GPHN: variants seen among roughly 807,000 people sequenced by gnomAD.
GPHN encodes the protein gephyrin.
GPHN carries 17 observed loss-of-function variants against 95.5 expected under a neutral mutation model. That is an observed-to-expected ratio of 0.18 (90% CI 0.12 to 0.27). The LOEUF is 0.27. GPHN is among the 10% of genes least tolerant of loss of function. The pLI is 1.00. For synonymous variants in GPHN, 320 were observed against 322.5 expected (o/e 0.99, Z 0.08); for missense variants, 660 against 978.1 (o/e 0.67, Z 4.34).
the GPHN span, among the ~76,000 whole-genome samples, chr14:67,457,513 A>G: frequency 6.6e-6 from 1 of 152,116 alleles, no homozygotes; most frequent in Non-Finnish European, 1.5e-5. Flanking sequence ...GCTGAGGCAG[A>G]AGGATCATTT....
intron 3 of GPHN, among the ~76,000 whole-genome samples, chr14:66,822,208 C>T (rs1294100448): frequency 6.6e-6 from 1 of 152,202 alleles, no homozygotes; most frequent in Non-Finnish European, 1.5e-5. Flanking sequence ...CCTCGGCCTC[C>T]CAAAGTGCTG....
At chr14:66,550,760 A>G (rs553617124) in intron 1 of GPHN, among the ~76,000 whole-genome samples, 1 of 152,312 alleles carries the variant, frequency 6.6e-6, no homozygotes, top group Admixed American at 6.5e-5. Flanking sequence ...CAGCAGCTAT[A>G]TACATTGAGG....
At chr14:66,978,680 ACTT>A (rs1224577295) in intron 9 of GPHN, among the ~76,000 whole-genome samples, 1 of 152,128 alleles carries the variant, frequency 6.6e-6, no homozygotes, top group East Asian at 1.9e-4. Flanking sequence ...GTTGGAATCA[ACTT>A]CTTCCAACTC....
intron 1 of GPHN, among the ~76,000 whole-genome samples, chr14:66,594,315 A>C (rs897843242): frequency 3.3e-5 from 5 of 150,580 alleles, no homozygotes; most frequent in Non-Finnish European, 1.5e-5. Flanking sequence ...GAAAAAAAAA[A>C]TCCTAAAATT....
the GPHN span, among the ~76,000 whole-genome samples, chr14:67,350,414 C>T: frequency 3.3e-5 from 5 of 152,104 alleles, no homozygotes; most frequent in South Asian, 2.1e-4. Flanking sequence ...AAGTATCCTG[C>T]GCCTGCAACT....
the GPHN span, among the ~76,000 whole-genome samples, chr14:67,259,069 G>A: frequency 0.082 from 11,989 of 146,312 alleles, 1,116 homozygotes; most frequent in African/African-American, 0.23. Context: ...TCTCGAACTC[G>A]TGGCCTCAAG....
At chr14:67,716,444 T>A in the GPHN span, among the ~76,000 whole-genome samples, 1 of 152,260 alleles carries the variant, frequency 6.6e-6, no homozygotes, top group Admixed American at 6.5e-5. Flanking sequence ...AATATGGCAA[T>A]TTATAAAAAA....
chr14:66,863,121 C>A (rs867618899), intron 4 of GPHN, among the ~76,000 whole-genome samples: 1 of 151,104 alleles, frequency 6.6e-6, no homozygotes, highest in African/African-American at 2.4e-5. Context: ...GAAGCAAATT[C>A]AGTAAAGTGG....
chr14:67,099,110 CTT>C (rs1200580490), intron 12 of GPHN, among the ~76,000 whole-genome samples: 22 of 138,884 alleles, frequency 1.6e-4, no homozygotes, highest in Admixed American at 1.4e-4. Context: ...GTTGTAAAAA[CTT>C]TTTTTTTTTT....
intron 11 of GPHN, among the ~76,000 whole-genome samples, chr14:67,067,676 C>A (rs1053377616): frequency 1.3e-5 from 2 of 152,158 alleles, no homozygotes; most frequent in Non-Finnish European, 2.9e-5. Context: ...GCCCCTCCCC[C>A]CGCCAGGCTG....
chr14:67,678,196 G>C, the GPHN span: 1 of 649,952 alleles, frequency 1.5e-6, no homozygotes, highest in Non-Finnish European at 2.8e-6. Context: ...CACCAAGCAG[G>C]CAAGGCTGGA....
chr14:66,674,239 C>T (rs2066462479), intron 1 of GPHN, among the ~76,000 whole-genome samples: 1 of 151,932 alleles, frequency 6.6e-6, no homozygotes, highest in South Asian at 2.1e-4. Flanking sequence ...GCTGGGACTA[C>T]AGACGCCCAC....
chr14:67,359,878 C>A, the GPHN span: 7 of 676,616 alleles, frequency 1.0e-5, no homozygotes, highest in Admixed American at 1.6e-4. Flanking sequence ...TTGTCACAGG[C>A]GACGAAGGGG....
chr14:66,697,910 G>T (rs1467727780), intron 2 of GPHN, among the ~76,000 whole-genome samples: 3 of 151,760 alleles, frequency 2.0e-5, no homozygotes, highest in Admixed American at 2.0e-4. Context: ...GCCCAGGCTG[G>T]TCTCAAACTC....
chr14:67,159,316 CT>C (rs1671473098), intron 18 of GPHN, 98 bp from the exon 19 acceptor site: 1 of 800,468 alleles, frequency 1.2e-6, no homozygotes, highest in East Asian at 2.5e-5. Flanking sequence ...AAAGATGTTT[CT>C]TTTCATTTCA....
chr14:67,391,724 C>G, the GPHN span, among the ~76,000 whole-genome samples: 2 of 152,166 alleles, frequency 1.3e-5, no homozygotes, highest in African/African-American at 4.8e-5. Flanking sequence ...CACAGAATAC[C>G]CTTTTTGTTA....
Position 67,165,668 on chromosome 14 carries a change from C to T in GPHN, c.1975+442C>T, listed in dbSNP as rs553774901. The stretch of plus-strand genomic sequence containing the variant: ...AAATACCAAATCAAAAAATACAAAG[C>T]TGCCTCTGGTCCTTGCCAGATTTGG... On this transcript the variant is annotated intron_variant, in intron 20 of 22. Transcript: ENST00000478722. Among the ~76,000 whole-genome samples, 317 of 152,304 alleles carry T rather than the reference C, an allele frequency of 2.1e-3. 2 individuals carry two copies. Among genetic ancestry groups the T allele is most frequent in the Non-Finnish European group, 3.4e-3 (231 of 68,020 alleles).
the GPHN span, among the ~76,000 whole-genome samples, chr14:67,491,320 T>C: frequency 1.4e-3 from 210 of 152,304 alleles, no homozygotes; most frequent in African/African-American, 4.4e-3. Flanking sequence ...CAAGAGTTTT[T>C]ATGTAGCTTG....
chr14:67,049,737 A>G (rs1285705771), intron 10 of GPHN, among the ~76,000 whole-genome samples: 5 of 151,942 alleles, frequency 3.3e-5, no homozygotes, highest in South Asian at 2.1e-4. Context: ...GGTCTTGATC[A>G]TTTGACCTCG....
Sources: gnomAD v4.1 joint callset for allele counts (sites outside exome capture counted in the v4.1 genomes callset) on GRCh38, gnomAD v4.1.1 for gene constraint, MANE v1.5 for transcripts, NCBI Gene and HGNC (gene_info 2026-07-23, HGNC 2026-07-21) for gene names.